SYNDIG1: variants seen among roughly 807,000 people sequenced by gnomAD.
SYNDIG1 encodes synapse differentiation-inducing gene protein 1.
SYNDIG1 carries 9 observed loss-of-function variants against 19.4 expected under a neutral mutation model. The observed-to-expected ratio is 0.46, with a 90% CI of 0.28 to 0.81. The LOEUF (loss-of-function observed/expected upper bound fraction) is 0.81. SYNDIG1 is among the 30% of genes least tolerant of loss of function. The pLI, the probability that SYNDIG1 is intolerant of heterozygous loss-of-function variation, is 0.12. For missense variants in SYNDIG1, 311 were observed against 343.3 expected (o/e 0.91, Z 0.74); for synonymous variants, 141 against 145.9 (o/e 0.97, Z 0.24).
At chr20:24,514,663 T>C (rs1041846803) in intron 1 of SYNDIG1, among the ~76,000 whole-genome samples, 2 of 152,108 alleles carry the variant, frequency 1.3e-5, no homozygotes, top group African/African-American at 2.4e-5. Context: ...TAGACTCCCA[T>C]GCATTAATAA....
At chr20:24,581,092 A>G (rs1017083490) in intron 2 of SYNDIG1, among the ~76,000 whole-genome samples, 3 of 152,024 alleles carry the variant, frequency 2.0e-5, no homozygotes, top group Admixed American at 6.6e-5. Context: ...ATGAGAAGCA[A>G]TGGAGGCAAA....
rs1347583916 is a variant in SYNDIG1, at chr20:24,583,898, G to C, written c.481-958G>C. On this transcript the variant is annotated intron_variant, in intron 2 of 3. Coordinates refer to ENST00000376862, the MANE Select transcript of SYNDIG1 (RefSeq NM_024893.3). ...TGCCAGAGGTTGGAGGGTGGAAGGA[G>C]GGAAAGGAGCAGAAAGCATAACTGC... is the stretch of plus-strand genomic sequence containing the variant. 3.9e-5 allele frequency among the ~76,000 whole-genome samples: 6 copies of C among 152,120 alleles called. No homozygotes were observed. The East Asian group carries it at 1.2e-3, about 29-fold the overall frequency.
chr20:24,596,472 G>C (rs551022991), intron 3 of SYNDIG1, among the ~76,000 whole-genome samples: 1 of 151,864 alleles, frequency 6.6e-6, no homozygotes, highest in African/African-American at 2.4e-5. Flanking sequence ...TCCATCTCCC[G>C]GGTTCAAGCA....
At chr20:24,579,708 A>G (rs1026395201) in intron 2 of SYNDIG1, among the ~76,000 whole-genome samples, 1 of 152,172 alleles carries the variant, frequency 6.6e-6, no homozygotes, top group Non-Finnish European at 1.5e-5. Context: ...AGTGGCTGCC[A>G]GGCTCCTCAG....
intron 1 of SYNDIG1, among the ~76,000 whole-genome samples, chr20:24,507,812 C>T (rs931335783): frequency 6.6e-6 from 1 of 152,240 alleles, no homozygotes; most frequent in Non-Finnish European, 1.5e-5. Flanking sequence ...CTGTCCAGGA[C>T]ATGCTAATGG....
At chr20:24,572,360 G>T (rs538463466) in intron 2 of SYNDIG1, among the ~76,000 whole-genome samples, 1 of 152,354 alleles carries the variant, frequency 6.6e-6, no homozygotes, top group South Asian at 2.1e-4. Context: ...CAGAGAGACT[G>T]GGCGGGAGGC....
At chr20:24,615,502 T>C (rs1600749596) in intron 3 of SYNDIG1, among the ~76,000 whole-genome samples, 2 of 152,262 alleles carry the variant, frequency 1.3e-5, no homozygotes, top group East Asian at 3.9e-4. Flanking sequence ...CTGTAGGGCT[T>C]TGCGGGAGCC....
At chr20:24,630,104 A>G (rs925900604) in intron 3 of SYNDIG1, among the ~76,000 whole-genome samples, 2 of 152,234 alleles carry the variant, frequency 1.3e-5, no homozygotes, top group South Asian at 2.1e-4. Context: ...CCAGAACTCG[A>G]TAAGAAAAAG....
intron 2 of SYNDIG1, among the ~76,000 whole-genome samples, chr20:24,560,874 A>G (rs1333764497): frequency 7.2e-6 from 1 of 139,362 alleles, no homozygotes; most frequent in Non-Finnish European, 1.6e-5. Flanking sequence ...TTTCTAAAAA[A>G]CAAAAAAAAA....
intron 3 of SYNDIG1, among the ~76,000 whole-genome samples, chr20:24,615,344 G>T (rs945106453): frequency 6.6e-5 from 10 of 152,144 alleles, no homozygotes; most frequent in Non-Finnish European, 1.0e-4. Flanking sequence ...AATCCCTAAG[G>T]GGGTGATGAG....
At position 24,654,504 on chromosome 20, in the gene SYNDIG1, C is replaced by T. The variant is rs935429016; in HGVS notation, c.619-10842C>T. Among the ~76,000 whole-genome samples the T allele has an allele frequency of 2.0e-5, 3 of 151,702 alleles. No individual in the cohort carries two copies. In the East Asian group the frequency reaches 5.8e-4, roughly 29 times the overall value. On this transcript the variant is annotated intron_variant, in intron 3 of 3. Coordinates refer to ENST00000376862, the MANE Select transcript of SYNDIG1 (RefSeq NM_024893.3). ...TAGCCAAATACTATCCCATAGAAGG[C>T]TTGGAGAACGATTGAGGAAATGATC...
At chr20:24,475,770 C>G (rs2055603543) in intron 1 of SYNDIG1, among the ~76,000 whole-genome samples, 6 of 152,200 alleles carry the variant, frequency 3.9e-5, no homozygotes, top group Admixed American at 2.6e-4. Context: ...TCTGGCTTTA[C>G]TTTTCTCTCC....
At chr20:24,621,599 A>C (rs2059039021) in intron 3 of SYNDIG1, among the ~76,000 whole-genome samples, 3 of 152,092 alleles carry the variant, frequency 2.0e-5, no homozygotes, top group Admixed American at 1.3e-4. Flanking sequence ...TTTGGGGGAA[A>C]ACTCTACCCT....
At chr20:24,638,383 C>T (rs2147328900) in intron 3 of SYNDIG1, among the ~76,000 whole-genome samples, 1 of 152,226 alleles carries the variant, frequency 6.6e-6, no homozygotes. Context: ...TCCAGAGGGT[C>T]TCACTCTGTC....
At position 24,561,164 on chromosome 20, in the gene SYNDIG1, G is replaced by A. The variant is rs531842462; in HGVS notation, c.480+17587G>A. Among the ~76,000 whole-genome samples the A allele has an allele frequency of 5.1e-4, 78 of 152,166 alleles. No homozygotes were observed. The Middle Eastern group carries it at 0.01, about 20-fold the overall frequency. On this transcript the variant is annotated intron_variant, in intron 2 of 3. Coordinates refer to ENST00000376862, the MANE Select transcript of SYNDIG1 (RefSeq NM_024893.3). Reference sequence around the variant, plus strand: ...TGCCAGTAGCTCCGTGTGTGCTTTGGACAATGCATTTCAAGGTTCAGGCAG... The same window carrying A: ...TGCCAGTAGCTCCGTGTGTGCTTTGAACAATGCATTTCAAGGTTCAGGCAG...
Position 24,618,123 on chromosome 20 carries a change from G to T in SYNDIG1, c.618+33130G>T, listed in dbSNP as rs572873272. Among the ~76,000 whole-genome samples the T allele has an allele frequency of 2.5e-3, 361 of 144,370 alleles. 1 individual carries two copies. The highest frequency in any genetic ancestry group is 8.8e-3 in the African/African-American group (341 of 38,674). The allele number at this position is 144,370 out of a possible 152,430, so 94.7% of individuals were successfully genotyped here. A position where few individuals can be genotyped will look rare whatever the true frequency, so the allele number is the denominator to read the frequency against. On this transcript the variant is annotated intron_variant, in intron 3 of 3. Coordinates refer to ENST00000376862, the MANE Select transcript of SYNDIG1 (RefSeq NM_024893.3). ...CGGGGAGTGGGGAAAGCCCGGGGAG[G>T]GGGGTCCTGAGGGAGAGCCCAGGAG... is the stretch of plus-strand genomic sequence containing the variant.
rs540530454 is a variant in SYNDIG1, at chr20:24,516,088, A to G, written c.-78-26932A>G. Among the ~76,000 whole-genome samples, 5 of 152,344 alleles carry G rather than the reference A, an allele frequency of 3.3e-5. No homozygotes were observed. In the South Asian group the frequency reaches 1.0e-3, roughly 32 times the overall value. On this transcript the variant is annotated intron_variant, in intron 1 of 3. Coordinates refer to ENST00000376862, the MANE Select transcript of SYNDIG1 (RefSeq NM_024893.3). The stretch of plus-strand genomic sequence containing the variant: ...AACCTGACAAAAACAAGAAATGGGG[A>G]AAGGATTCCCTATTTAATAACTGGT...
chr20:24,529,470 TGC>T (rs2057196684), intron 1 of SYNDIG1, among the ~76,000 whole-genome samples: 1 of 152,200 alleles, frequency 6.6e-6, no homozygotes, highest in African/African-American at 2.4e-5. Flanking sequence ...CTGTCACAAC[TGC>T]TCAACTCTTC....
At chr20:24,584,417 C>T (rs1227092825) in intron 2 of SYNDIG1, among the ~76,000 whole-genome samples, 1 of 152,216 alleles carries the variant, frequency 6.6e-6, no homozygotes, top group Non-Finnish European at 1.5e-5. Flanking sequence ...AGTCTCCAGT[C>T]CATCCTCAGA....
Sources: allele counts gnomAD v4.1 joint callset (sites outside exome capture counted in the v4.1 genomes callset), GRCh38; gene constraint gnomAD v4.1.1; transcripts MANE v1.5; gene names NCBI Gene and HGNC (gene_info 2026-07-23, HGNC 2026-07-21).